PCDH17: variants seen among roughly 807,000 people sequenced by gnomAD.
The protein encoded by PCDH17 is protocadherin 17.
In PCDH17, 21 loss-of-function variants were observed where a neutral mutation model predicts 67.7. That is an observed-to-expected ratio of 0.31 (90% CI 0.22 to 0.45). The LOEUF (loss-of-function observed/expected upper bound fraction) is 0.45, where lower values mean the gene tolerates loss of function less well. Among genes scored for constraint, PCDH17 ranks in the 20% least tolerant of loss-of-function variants. The pLI is 1.00. For missense variants in PCDH17, 1,471 were observed against 1,564.8 expected, an observed-to-expected ratio of 0.94 and a Z score of 1.01; for synonymous variants, 701 against 656.7, an observed-to-expected ratio of 1.07 and a Z score of -1.03.
At chr13:57,682,925 A>G (rs1400905814) in intron 3 of PCDH17, among the ~76,000 whole-genome samples, 1 of 151,714 alleles carries the variant, frequency 6.6e-6, no homozygotes, top group Non-Finnish European at 1.5e-5. Flanking sequence ...CTATTCAAAG[A>G]ACAGAATTAT....
In PCDH17 at chr13:57,713,689, A is replaced by G. The variant is rs185601022; in HGVS notation, c.2798-10923A>G. The stretch of plus-strand genomic sequence containing the variant: ...TCATAGGAGACATTTGTATGTATTT[A>G]TTCAAGTACATATTTATTATTATTT... On this transcript the variant is annotated intron_variant, in intron 3 of 3. Coordinates refer to ENST00000377918, the MANE Select transcript of PCDH17 (RefSeq NM_001040429.3). Among the ~76,000 whole-genome samples, 5 of 151,708 alleles carry G rather than the reference A, an allele frequency of 3.3e-5. No homozygotes were observed. The East Asian group carries it at 7.8e-4, about 24-fold the overall frequency.
chr13:57,706,683 T>C (rs568047207), intron 3 of PCDH17, among the ~76,000 whole-genome samples: 3 of 152,280 alleles, frequency 2.0e-5, no homozygotes, highest in South Asian at 2.1e-4. Context: ...TCAAAAACTT[T>C]GTTCATCTTC....
At chr13:57,650,156 T>TA (rs1231565709) in intron 1 of PCDH17, among the ~76,000 whole-genome samples, 4 of 151,018 alleles carry the variant, frequency 2.6e-5, no homozygotes, top group Admixed American at 6.6e-5. Context: ...AAGTAACTTG[T>TA]AAAAAAAAGA....
intron 3 of PCDH17, among the ~76,000 whole-genome samples, chr13:57,706,737 T>A (rs1566243026): frequency 6.6e-6 from 1 of 152,164 alleles, no homozygotes; most frequent in South Asian, 2.1e-4. Context: ...TCTCTATAGA[T>A]CCTTCCTCAG....
rs760388943 is a variant in PCDH17, at chr13:57,725,066, A to G, written c.3252A>G (p.Gln1084=). The change falls in exon 4 of 4, where the codon CAA becomes CAG. Residue 1084 remains glutamine (Q), a synonymous_variant. Transcript: ENST00000377918. ...TDSQYLSPSK[Q]PRDPPFMASD... ...GTCAATATCTGTCACCTAGTAAGCA[A>G]CCAAGAGACCCTCCCTTCATGGCTT... 2.5e-6 allele frequency: 4 copies of G among 1,613,984 alleles called. No homozygotes were observed. The East Asian group carries it at 8.9e-5, about 36-fold the overall frequency.
intron 1 of PCDH17, among the ~76,000 whole-genome samples, chr13:57,665,152 G>T (rs2138021940): frequency 6.7e-6 from 1 of 148,514 alleles, no homozygotes; most frequent in Admixed American, 6.6e-5. Context: ...ACCAAAAAAG[G>T]TTATATATTA....
chr13:57,650,371 G>A (rs949224330), intron 1 of PCDH17, among the ~76,000 whole-genome samples: 1 of 151,858 alleles, frequency 6.6e-6, no homozygotes, highest in African/African-American at 2.4e-5. Context: ...ATTTCAACTA[G>A]TCTATCATTG....
chr13:57,673,598 C>T (rs1955352171), intron 3 of PCDH17, among the ~76,000 whole-genome samples: 1 of 151,816 alleles, frequency 6.6e-6, no homozygotes, highest in Non-Finnish European at 1.5e-5. Flanking sequence ...CTGCTGCAAG[C>T]TTATTAATAG....
chr13:57,698,053 GA>G (rs542923630), intron 3 of PCDH17, among the ~76,000 whole-genome samples: 203 of 151,590 alleles, frequency 1.3e-3, no homozygotes, highest in South Asian at 1.9e-3. Context: ...TTCATGCCTT[GA>G]AAAAGCCAGT....
At chr13:57,719,452 G>A (rs1350406503) in intron 3 of PCDH17, among the ~76,000 whole-genome samples, 1 of 151,916 alleles carries the variant, frequency 6.6e-6, no homozygotes, top group Non-Finnish European at 1.5e-5. Flanking sequence ...CATCATTATA[G>A]AAAAGAAAAT....
intron 1 of PCDH17, among the ~76,000 whole-genome samples, chr13:57,646,217 T>A (rs1036519509): frequency 1.1e-4 from 16 of 151,636 alleles, no homozygotes; most frequent in Non-Finnish European, 8.9e-5. Context: ...ATATATGTGG[T>A]AATGAAATTT....
chr13:57,658,808 C>A (rs1417261821), intron 1 of PCDH17, among the ~76,000 whole-genome samples: 2 of 120,948 alleles, frequency 1.7e-5, no homozygotes, highest in Non-Finnish European at 3.4e-5. Flanking sequence ...GAGGCGGATT[C>A]TTGCTGTGTC....
At chr13:57,641,574 AAAAAAAAAAAAAAAT>A (rs1239153237) in intron 1 of PCDH17, among the ~76,000 whole-genome samples, 262 of 73,006 alleles carry the variant, frequency 3.6e-3, no homozygotes, top group East Asian at 0.022. Flanking sequence ...AAAAAAAAAA[AAAAAAAAAAAAAAAT>A]ATATATATAT....
At chr13:57,641,436 G>A (rs370945220) in intron 1 of PCDH17, among the ~76,000 whole-genome samples, 8 of 148,350 alleles carry the variant, frequency 5.4e-5, no homozygotes, top group South Asian at 2.1e-4. Context: ...AAAAAAACAC[G>A]CAAAAATCCC....
intron 3 of PCDH17, among the ~76,000 whole-genome samples, chr13:57,713,228 C>A (rs1434751175): frequency 6.6e-6 from 1 of 151,648 alleles, no homozygotes; most frequent in Non-Finnish European, 1.5e-5. Flanking sequence ...ACTAGAAAAA[C>A]GGCTTGTCAT....
intron 1 of PCDH17, among the ~76,000 whole-genome samples, chr13:57,648,791 G>GA (rs898433062): frequency 6.6e-6 from 1 of 151,778 alleles, no homozygotes; most frequent in Non-Finnish European, 1.5e-5. Flanking sequence ...TGATATAAGG[G>GA]AAAAAAATTA....
chr13:57,679,484 A>G (rs932732809), intron 3 of PCDH17, among the ~76,000 whole-genome samples: 6 of 151,466 alleles, frequency 4.0e-5, no homozygotes, highest in African/African-American at 1.5e-4. Context: ...ATCACAGCAT[A>G]GGATCATTTT....
chr13:57,684,149 C>T (rs1955485086), intron 3 of PCDH17, among the ~76,000 whole-genome samples: 1 of 151,818 alleles, frequency 6.6e-6, no homozygotes, highest in African/African-American at 2.4e-5. Context: ...GAAAACAACA[C>T]TATGTTTCTG....
rs1251065274 is a variant in PCDH17 at position 57,632,810 on chromosome 13, G to A, written c.264G>A (p.Gln88=). 6.2e-7 allele frequency: 1 copy of A among 1,613,642 alleles called. No homozygotes were observed. Among genetic ancestry groups the A allele is most frequent in the Non-Finnish European group, 8.5e-7 (1 of 1,179,996 alleles). Residue 88 remains glutamine, a synonymous_variant, in exon 1 of 4, where the codon CAG becomes CAA. Transcript: ENST00000377918. ...ACAGCGGGCTCCTCTACACCAAGCA[G>A]CGCATCGACCGCGAGTCCCTGTGCC... The part of the protein sequence containing the change: ...DADSGLLYTK[Q]RIDRESLCRH...
Sources: allele counts gnomAD v4.1 joint callset (sites outside exome capture counted in the v4.1 genomes callset), GRCh38; gene constraint gnomAD v4.1.1; transcripts MANE v1.5; gene names NCBI Gene and HGNC (gene_info 2026-07-23, HGNC 2026-07-21).